The following DPH6 variants were observed in gnomAD, a reference collection of about 807,000 sequenced individuals.
DPH6 encodes diphthine--ammonia ligase.
Under a neutral mutation model 38.2 loss-of-function variants are expected in DPH6, and 33 were observed. That is an observed-to-expected ratio of 0.86 (90% CI 0.65 to 1.15). DPH6 has a LOEUF of 1.15. Ranked by LOEUF, DPH6 falls within the 50% of genes most tolerant of loss-of-function variation. DPH6 has a pLI of 0.00. For synonymous variants in DPH6, 108 were observed against 103.0 expected (o/e 1.05, Z -0.30); for missense variants, 325 against 320.0 (o/e 1.02, Z -0.12).
chr15:35,395,025 C>G (rs192451448), intron 6 of DPH6, among the ~76,000 whole-genome samples: 475 of 152,190 alleles, frequency 3.1e-3, no homozygotes, highest in African/African-American at 0.011. Context: ...AAGACATGTG[C>G]CTTTGGTTTA....
At chr15:35,484,940 A>G (rs1221979715) in intron 3 of DPH6, among the ~76,000 whole-genome samples, 1 of 152,252 alleles carries the variant, frequency 6.6e-6, no homozygotes, top group Non-Finnish European at 1.5e-5. Flanking sequence ...CATTTCTTAC[A>G]TTTAACAAAA....
At chr15:35,341,195 A>T (rs1313442529) in intron 3 of DPH6, among the ~76,000 whole-genome samples, 2 of 152,150 alleles carry the variant, frequency 1.3e-5, no homozygotes, top group African/African-American at 4.8e-5. Flanking sequence ...TGCATTGTGT[A>T]GTTCTCATGT....
intron 6 of DPH6, among the ~76,000 whole-genome samples, chr15:35,397,864 TATATACACACAC>T (rs900306928): frequency 9.0e-5 from 8 of 88,598 alleles, no homozygotes; most frequent in African/African-American, 4.0e-4. Context: ...TCAATTTATA[TATATACACACAC>T]ACACACACAC....
At chr15:35,447,950 T>C (rs992246032) in intron 5 of DPH6, among the ~76,000 whole-genome samples, 1 of 152,238 alleles carries the variant, frequency 6.6e-6, no homozygotes, top group African/African-American at 2.4e-5. Flanking sequence ...TACACCATCA[T>C]TTAACTGAAC....
the DPH6 span, among the ~76,000 whole-genome samples, chr15:35,202,866 G>C: frequency 6.6e-6 from 1 of 151,666 alleles, no homozygotes; most frequent in South Asian, 2.1e-4. Flanking sequence ...CCAGCACACA[G>C]AAATAACGTA....
intron 1 of DPH6, 94 bp downstream of exon 1, chr15:35,546,025 C>T: frequency 8.6e-7 from 1 of 1,159,970 alleles, no homozygotes; most frequent in Non-Finnish European, 1.1e-6. Context: ...ACGCGCGACT[C>T]AGACGGAGAC....
At chr15:35,257,809 T>A (rs2051718348) in intron 3 of DPH6, among the ~76,000 whole-genome samples, 1 of 146,434 alleles carries the variant, frequency 6.8e-6, no homozygotes, top group Non-Finnish European at 1.5e-5. Context: ...TTTTCTTACT[T>A]CTTTTATCAT....
exon 4 of DPH6, chr15:35,218,003 C>T (rs974493396): frequency 6.6e-6 from 1 of 152,042 alleles, no homozygotes; most frequent in African/African-American, 2.4e-5. Context: ...ATTTTTTTTA[C>T]TGAGTAATCA....
chr15:35,237,827 G>GATGAGT (rs2051565836), intron 3 of DPH6: 2 of 1,430,860 alleles, frequency 1.4e-6, no homozygotes, highest in Non-Finnish European at 9.6e-7. Context: ...GGAGGGCCTG[G>GATGAGT]AGGAGGAGGA....
chr15:35,345,829 G>A (rs1011704995), intron 3 of DPH6, among the ~76,000 whole-genome samples: 1 of 151,894 alleles, frequency 6.6e-6, no homozygotes, highest in Non-Finnish European at 1.5e-5. Context: ...AGTAAAGCTG[G>A]TCCAAGACAA....
downstream of DPH6, among the ~76,000 whole-genome samples, chr15:35,368,750 T>C (rs1403956744): frequency 1.3e-5 from 2 of 151,780 alleles, no homozygotes; most frequent in East Asian, 3.9e-4. Context: ...ATAACAAAAA[T>C]AGGGAATAAA....
At chr15:35,298,706 C>A in intron 3 of DPH6, 1 of 1,580,198 alleles carries the variant, frequency 6.3e-7, no homozygotes, top group Admixed American at 1.7e-5. Context: ...CTGGCCCTCC[C>A]GGAAGCCGTA....
At chr15:35,272,611 GTT>G (rs2051829547) in intron 3 of DPH6, among the ~76,000 whole-genome samples, 1 of 151,900 alleles carries the variant, frequency 6.6e-6, no homozygotes, top group African/African-American at 2.4e-5. Context: ...AGATCTGATT[GTT>G]TAAAAGAATG....
chr15:35,171,060 C>G, the DPH6 span, among the ~76,000 whole-genome samples: 1 of 152,170 alleles, frequency 6.6e-6, no homozygotes, highest in Non-Finnish European at 1.5e-5. Flanking sequence ...CTCTAGAGTC[C>G]TATGTACATC....
At chr15:35,338,181 G>A (rs2052389193) in intron 3 of DPH6, among the ~76,000 whole-genome samples, 1 of 152,104 alleles carries the variant, frequency 6.6e-6, no homozygotes, top group Admixed American at 6.6e-5. Flanking sequence ...ACTGACAAAT[G>A]GGATCTAATT....
intron 3 of DPH6, among the ~76,000 whole-genome samples, chr15:35,286,781 T>A (rs552945500): frequency 1.3e-5 from 2 of 152,332 alleles, no homozygotes; most frequent in Admixed American, 6.5e-5. Flanking sequence ...TTTTCTTTTT[T>A]AAATTATCTA....
chr15:35,223,878 A>G (rs1001711477), intron 3 of DPH6, among the ~76,000 whole-genome samples: 1 of 152,082 alleles, frequency 6.6e-6, no homozygotes, highest in African/African-American at 2.4e-5. Flanking sequence ...AGTTTCTTAC[A>G]GAATAACGTA....
At chr15:35,174,820 A>C in the DPH6 span, among the ~76,000 whole-genome samples, 1 of 152,190 alleles carries the variant, frequency 6.6e-6, no homozygotes, top group Non-Finnish European at 1.5e-5. Context: ...TCTCAGGAAA[A>C]ATTAAGGTGA....
chr15:35,156,097 C>A, the DPH6 span, among the ~76,000 whole-genome samples: 11 of 151,288 alleles, frequency 7.3e-5, no homozygotes, highest in Admixed American at 7.3e-4. Flanking sequence ...AAAACCCAGC[C>A]CAGACTTAAG....
Sources: gnomAD v4.1 joint callset for allele counts (sites outside exome capture counted in the v4.1 genomes callset) on GRCh38, gnomAD v4.1.1 for gene constraint, MANE v1.5 for transcripts, NCBI Gene and HGNC (gene_info 2026-07-23, HGNC 2026-07-21) for gene names.